Variants in ANK1 observed in about 807,000 individuals in gnomAD.
ANK1 encodes ankyrin 1, also known as ankyrin-1.
A neutral mutation model predicts 210.4 loss-of-function variants in ANK1; 51 were observed. That is an observed-to-expected ratio of 0.24 (90% confidence interval 0.19 to 0.31). The LOEUF (loss-of-function observed/expected upper bound fraction) is 0.31. ANK1 is among the 10% of genes least tolerant of loss of function. The probability of loss-of-function intolerance (pLI) is 1.00; values close to 1 mark genes in which losing one functional copy is unlikely to be tolerated. For missense variants in ANK1, 2,051 were observed against 2,504.4 expected (o/e 0.82, Z 3.86); for synonymous variants, 967 against 1,025.9 (o/e 0.94, Z 1.10).
intron 1 of ANK1, among the ~76,000 whole-genome samples, chr8:41,820,609 G>T (rs2174731): frequency 6.6e-6 from 1 of 151,764 alleles, no homozygotes; most frequent in Non-Finnish European, 1.5e-5. Context: ...GTAGCTGCAG[G>T]GGTCCCAGAG....
At chr8:41,683,339 C>T (rs1455013110) in intron 37 of ANK1, among the ~76,000 whole-genome samples, 2 of 152,168 alleles carry the variant, frequency 1.3e-5, no homozygotes. Context: ...GGGCCCTGCT[C>T]CCAGGATGCA....
rs78159026 is a variant in ANK1 at position 41,747,630 on chromosome 8, C to T, written c.129+10406G>A. On this transcript the variant is annotated intron_variant, in intron 2 of 42. Transcript: ENST00000289734. Reference sequence around the variant, plus strand: ...TTCAATGCACCTTCATGGAACCTGCCACACACAGGCCTATCTTTTTTCTTT... The same window carrying T: ...TTCAATGCACCTTCATGGAACCTGCTACACACAGGCCTATCTTTTTTCTTT... Among the ~76,000 whole-genome samples, 1,149 of 152,260 alleles carry T rather than the reference C, an allele frequency of 7.5e-3. 14 individuals carry two copies. Among genetic ancestry groups the T allele is most frequent in the African/African-American group, 0.027 (1,116 of 41,548 alleles).
intron 39 of ANK1, among the ~76,000 whole-genome samples, chr8:41,667,416 A>G (rs760480232): frequency 7.9e-5 from 12 of 152,326 alleles, no homozygotes; most frequent in Non-Finnish European, 1.3e-4. Flanking sequence ...AAACACACGC[A>G]TGTGGAGAAC....
intron 1 of ANK1, among the ~76,000 whole-genome samples, chr8:41,863,784 G>A (rs368708199): frequency 6.6e-5 from 10 of 152,290 alleles, no homozygotes; most frequent in South Asian, 2.1e-4. Flanking sequence ...TGCTGGGGCC[G>A]GGAACAGAGG....
At chr8:41,844,406 C>G (rs1407941309) in intron 1 of ANK1, among the ~76,000 whole-genome samples, 1 of 152,194 alleles carries the variant, frequency 6.6e-6, no homozygotes, top group Non-Finnish European at 1.5e-5. Context: ...CCAGGACAAA[C>G]AAGTAGAGAG....
intron 1 of ANK1, among the ~76,000 whole-genome samples, chr8:41,818,059 G>A (rs187331392): frequency 1.6e-3 from 239 of 152,290 alleles, no homozygotes; most frequent in Non-Finnish European, 2.7e-3. Flanking sequence ...ACGTGCCCCC[G>A]CTGGCTGCAA....
chr8:41,755,287 C>T (rs1407684354), intron 2 of ANK1, among the ~76,000 whole-genome samples: 2 of 152,240 alleles, frequency 1.3e-5, no homozygotes, highest in South Asian at 2.1e-4. Flanking sequence ...GCCTCTCCAA[C>T]GGGAGACCAA....
chr8:41,814,324 C>T (rs1313571065), intron 1 of ANK1, among the ~76,000 whole-genome samples: 6 of 149,796 alleles, frequency 4.0e-5, no homozygotes, highest in Non-Finnish European at 8.8e-5. Flanking sequence ...TGTGCCACTG[C>T]ACTCCAGCTT....
At chr8:41,662,270 C>CG (rs983192834) in intron 40 of ANK1, among the ~76,000 whole-genome samples, 3 of 149,944 alleles carry the variant, frequency 2.0e-5, no homozygotes, top group Admixed American at 6.6e-5. Context: ...AAAAAAAAGG[C>CG]GGGGGGGCTG....
chr8:41,876,013 C>T (rs1343681087), intron 1 of ANK1, among the ~76,000 whole-genome samples: 1 of 151,982 alleles, frequency 6.6e-6, no homozygotes, highest in Non-Finnish European at 1.5e-5. Flanking sequence ...CGCGCGCGCA[C>T]GTCCCGCGAC....
At chr8:41,822,110 GAGAGAAAGAA>G (rs1804462436) in intron 1 of ANK1, among the ~76,000 whole-genome samples, 32 of 33,942 alleles carry the variant, frequency 9.4e-4, no homozygotes, top group South Asian at 2.2e-3. Flanking sequence ...GAGAGAGAGA[GAGAGAAAGAA>G]AGAGAAAGAA....
chr8:41,659,512 G>C (rs1807081129), intron 42 of ANK1, among the ~76,000 whole-genome samples: 1 of 152,188 alleles, frequency 6.6e-6, no homozygotes, highest in African/African-American at 2.4e-5. Flanking sequence ...TGAATGATGA[G>C]GATCGACTGT....
intron 1 of ANK1, among the ~76,000 whole-genome samples, chr8:41,895,901 G>GCCCCC (rs386412644): frequency 8.7e-5 from 13 of 150,080 alleles, no homozygotes; most frequent in African/African-American, 3.2e-4. Flanking sequence ...GGGCAGAGCT[G>GCCCCC]CCCCCCCCCG....
chr8:41,715,656 G>A lies in ANK1; in HGVS notation c.1598C>T (p.Thr533Ile). 6.2e-7 allele frequency: 1 copy of A among 1,613,284 alleles called. No individual in the cohort carries two copies. The highest frequency in any genetic ancestry group is 8.5e-7 in the Non-Finnish European group (1 of 1,179,960). Residue 533 changes from threonine to isoleucine, a missense_variant, in exon 14 of 43, where the codon ACC (threonine) becomes ATC (isoleucine). Physicochemically the swap from Thr to Ile is moderately conservative, Grantham distance 89. This residue lies in a region of ANK1 where 1,413 missense variants were observed against 1,707.4 expected (regional missense o/e 0.83). Coordinates refer to ENST00000289734, the MANE Select transcript of ANK1 (RefSeq NM_000037.4). ...CCACGAGGCGGGAGGCTGTACCTTG[G>A]TCATGCAGGCCTGGGATGCTTCCTT... ...LEKEASQACM[T>I]KKGFTPLHVA...
intron 23 of ANK1, among the ~76,000 whole-genome samples, chr8:41,698,962 A>ATTTT (rs199732230): frequency 1.3e-5 from 2 of 151,364 alleles, no homozygotes; most frequent in African/African-American, 2.4e-5. Flanking sequence ...ACGCTCAGCT[A>ATTTT]TTTTTTTTGT....
At chr8:41,878,360 G>T (rs1816971974) in intron 1 of ANK1, among the ~76,000 whole-genome samples, 1 of 152,146 alleles carries the variant, frequency 6.6e-6, no homozygotes, top group Non-Finnish European at 1.5e-5. Context: ...CCTGCACAGG[G>T]ACTAAGTCCA....
intron 1 of ANK1, among the ~76,000 whole-genome samples, chr8:41,889,300 G>T (rs1225313713): frequency 6.6e-6 from 1 of 152,194 alleles, no homozygotes; most frequent in East Asian, 1.9e-4. Flanking sequence ...CCAGTTCTGG[G>T]GTTATCAACC....
chr8:41,697,293 A>G (rs475028), intron 24 of ANK1, among the ~76,000 whole-genome samples: 149,922 of 152,322 alleles, frequency 0.98, 73,818 homozygotes, highest in East Asian at 1. Context: ...GTGCAACGGG[A>G]ACTTGCCTTA....
intron 1 of ANK1, among the ~76,000 whole-genome samples, chr8:41,763,280 CT>C (rs1840874573): frequency 6.6e-6 from 1 of 151,656 alleles, no homozygotes; most frequent in Non-Finnish European, 1.5e-5. Context: ...TCCATATGGA[CT>C]AGATTGAGGA....
Sources: gnomAD v4.1 joint callset for allele counts (sites outside exome capture counted in the v4.1 genomes callset) on GRCh38, gnomAD v4.1.1 for gene constraint, gnomAD v4.1.1 regional missense constraint, MANE v1.5 for transcripts, NCBI Gene and HGNC (gene_info 2026-07-23, HGNC 2026-07-21) for gene names.